The following USH2A variants were observed in gnomAD, a reference collection of about 807,000 sequenced individuals.
USH2A encodes usherin.
In USH2A, 443 loss-of-function variants were observed where a neutral mutation model predicts 538.9. That is an observed-to-expected ratio of 0.82 (90% CI 0.76 to 0.89). The LOEUF is 0.89. Among genes scored for constraint, USH2A ranks in the 40% least tolerant of loss-of-function variants. The pLI is 0.00. For synonymous variants in USH2A, 2,413 were observed against 2,273.5 expected (o/e 1.06, Z -1.75); for missense variants, 6,633 against 6,324.8 (o/e 1.05, Z -1.65).
chr1:215,633,387 G>A (rs1247217500), intron 70 of USH2A, among the ~76,000 whole-genome samples: 10 of 152,112 alleles, frequency 6.6e-5, no homozygotes, highest in East Asian at 1.9e-4. Flanking sequence ...ACCACAAACC[G>A]TGGACCTCGG....
intron 56 of USH2A, among the ~76,000 whole-genome samples, chr1:215,766,096 T>G (rs1475228130): frequency 6.6e-6 from 1 of 152,216 alleles, no homozygotes; most frequent in Non-Finnish European, 1.5e-5. Context: ...TCCTTCCAAC[T>G]GTGTCTGGTT....
At chr1:216,260,387 G>A (rs983186154) in intron 11 of USH2A, among the ~76,000 whole-genome samples, 1 of 152,136 alleles carries the variant, frequency 6.6e-6, no homozygotes, top group Admixed American at 6.6e-5. Flanking sequence ...ATTGAGAGAA[G>A]TAAGAGGACA....
intron 30 of USH2A, among the ~76,000 whole-genome samples, chr1:216,066,996 C>T (rs563403318): frequency 5.9e-5 from 9 of 152,204 alleles, no homozygotes; most frequent in African/African-American, 2.2e-4. Flanking sequence ...CAGGAATTCT[C>T]CTAAGGATTT....
At position 216,203,381 on chromosome 1, in the gene USH2A, C is replaced by T. The variant is rs577507261; in HGVS notation, c.3317-3260G>A. On this transcript the variant is annotated intron_variant, in intron 16 of 71. Coordinates refer to ENST00000307340, the MANE Select transcript of USH2A (RefSeq NM_206933.4). ...AACAATAACTGAAAATAAAATAGAA[C>T]AATTATAACAATATACCCCAATAAT... 1.8e-3 allele frequency among the ~76,000 whole-genome samples: 274 copies of T among 151,886 alleles called. 2 individuals carry two copies. The highest frequency in any genetic ancestry group is 6.3e-3 in the African/African-American group (263 of 41,426).
At chr1:215,855,714 A>G (rs931394340) in intron 44 of USH2A, among the ~76,000 whole-genome samples, 1 of 152,082 alleles carries the variant, frequency 6.6e-6, no homozygotes, top group Admixed American at 6.6e-5. Flanking sequence ...TCAAAAAAGA[A>G]CTCACATAGC....
chr1:216,147,085 T>C (rs1300738046), intron 21 of USH2A, among the ~76,000 whole-genome samples: 1 of 152,112 alleles, frequency 6.6e-6, no homozygotes, highest in Admixed American at 6.5e-5. Context: ...CCCTTCCTAG[T>C]CTCTGTGACC....
intron 38 of USH2A, among the ~76,000 whole-genome samples, chr1:215,913,204 G>T (rs1042624333): frequency 1.3e-5 from 2 of 152,096 alleles, no homozygotes; most frequent in Non-Finnish European, 2.9e-5. Flanking sequence ...GCATAATGAA[G>T]AACAAACTAG....
chr1:216,227,835 T>C (rs2035591529), intron 14 of USH2A, among the ~76,000 whole-genome samples: 1 of 152,114 alleles, frequency 6.6e-6, no homozygotes, highest in Non-Finnish European at 1.5e-5. Flanking sequence ...AAGAAGTACA[T>C]ACATGGTAGT....
At chr1:215,805,815 GA>G (rs988379391) in intron 49 of USH2A, among the ~76,000 whole-genome samples, 3 of 148,880 alleles carry the variant, frequency 2.0e-5, no homozygotes, top group African/African-American at 5.1e-5. Flanking sequence ...CAGAAAAAAA[GA>G]AAAAAAATTC....
chr1:215,875,924 TTG>T (rs1664754783), intron 43 of USH2A, among the ~76,000 whole-genome samples: 1 of 136,256 alleles, frequency 7.3e-6, no homozygotes, highest in South Asian at 2.5e-4. Context: ...ATAATATATA[TTG>T]ATTATTATAT....
At chr1:216,366,908 TTGAC>T (rs1178961352) in intron 3 of USH2A, among the ~76,000 whole-genome samples, 1 of 152,184 alleles carries the variant, frequency 6.6e-6, no homozygotes, top group African/African-American at 2.4e-5. Flanking sequence ...CATTTGGTGT[TTGAC>T]TGTTATCATT....
intron 37 of USH2A, among the ~76,000 whole-genome samples, chr1:215,962,335 G>A (rs571799394): frequency 1.3e-5 from 2 of 152,188 alleles, no homozygotes; most frequent in East Asian, 1.9e-4. Context: ...CTTGCAAAGT[G>A]TGAAAGGACA....
chr1:215,882,505 T>C (rs987367777), intron 41 of USH2A, among the ~76,000 whole-genome samples: 1 of 152,180 alleles, frequency 6.6e-6, no homozygotes, highest in East Asian at 1.9e-4. Flanking sequence ...TATTTGTATT[T>C]TTTCAATCAG....
At chr1:215,977,437 A>AT in intron 35 of USH2A, among the ~76,000 whole-genome samples, 1 of 152,114 alleles carries the variant, frequency 6.6e-6, no homozygotes, top group Non-Finnish European at 1.5e-5. Flanking sequence ...GGAAAGTAAG[A>AT]TTTTGAGTCC....
intron 38 of USH2A, among the ~76,000 whole-genome samples, chr1:215,930,661 A>G (rs1045721372): frequency 6.6e-6 from 1 of 151,998 alleles, no homozygotes; most frequent in Non-Finnish European, 1.5e-5. Flanking sequence ...TGACTGATAA[A>G]AGAGCCAATT....
intron 47 of USH2A, among the ~76,000 whole-genome samples, chr1:215,831,644 T>A (rs1259641798): frequency 6.6e-6 from 1 of 152,126 alleles, no homozygotes; most frequent in African/African-American, 2.4e-5. Context: ...AATTAAAATA[T>A]ATTTTGAATA....
chr1:216,067,711 G>C (rs770470659), intron 30 of USH2A, among the ~76,000 whole-genome samples: 1 of 152,140 alleles, frequency 6.6e-6, no homozygotes, highest in Non-Finnish European at 1.5e-5. Context: ...GTGGCTGGAG[G>C]TATCTATGAG....
intron 21 of USH2A, among the ~76,000 whole-genome samples, chr1:216,118,652 A>G (rs1293024800): frequency 6.6e-6 from 1 of 152,112 alleles, no homozygotes; most frequent in African/African-American, 2.4e-5. Context: ...AAAAGACAAT[A>G]CCTGGTTTCT....
chr1:215,788,867 C>A (rs1661885435), intron 51 of USH2A, among the ~76,000 whole-genome samples: 1 of 151,982 alleles, frequency 6.6e-6, no homozygotes, highest in Admixed American at 6.6e-5. Context: ...ACCCTCCATA[C>A]ATCTATATAC....
Sources: gnomAD v4.1 joint callset for allele counts (sites outside exome capture counted in the v4.1 genomes callset) on GRCh38, gnomAD v4.1.1 for gene constraint, MANE v1.5 for transcripts, NCBI Gene and HGNC (gene_info 2026-07-23, HGNC 2026-07-21) for gene names.